Variants in PCDHGA8 observed in about 807,000 individuals in gnomAD.
PCDHGA8 encodes protocadherin gamma-A8.
Under a neutral mutation model 59.2 loss-of-function variants are expected in PCDHGA8, and 45 were observed. The observed-to-expected ratio is 0.76, with a 90% CI of 0.60 to 0.98. The LOEUF (loss-of-function observed/expected upper bound fraction) is 0.98. Ranked by LOEUF, PCDHGA8 falls within the 50% of genes least tolerant of loss-of-function variation. The pLI, the probability that PCDHGA8 is intolerant of heterozygous loss-of-function variation, is 0.00. For synonymous variants in PCDHGA8, 531 were observed against 519.0 expected, an observed-to-expected ratio of 1.02 and a Z score of -0.32; for missense variants, 1,257 against 1,196.2, an observed-to-expected ratio of 1.05 and a Z score of -0.75.
In PCDHGA8 at chr5:141,493,307, AAG is replaced by A. The variant is rs2099747490; in HGVS notation, c.2425-1494_2425-1493del. Among the ~76,000 whole-genome samples, 1 of 152,234 alleles carries A rather than the reference AAG, an allele frequency of 6.6e-6. No homozygotes were observed. Among genetic ancestry groups the A allele is most frequent in the South Asian group, 2.1e-4 (1 of 4,832 alleles). ...ACTTGCTCAAGTTCACAGAGCAAGT[AAG>A]AGAGATTCTAACCCCTGTCTAACTC... On this transcript the variant is annotated intron_variant, in intron 1 of 3. Transcript: ENST00000398604. This position sits in a 1 kb window ranked among gnomAD's most constrained non-coding sequence, Gnocchi z 4.3.
At chr5:141,404,169 C>G in intron 1 of PCDHGA8, 4 of 1,612,736 alleles carry the variant, frequency 2.5e-6, no homozygotes, top group Non-Finnish European at 3.4e-6. Flanking sequence ...AGATTGTTGA[C>G]GGCCCAAATT....
chr5:141,484,866 C>A (rs1474623432), intron 1 of PCDHGA8: 9 of 275,500 alleles, frequency 3.3e-5, no homozygotes, highest in Non-Finnish European at 5.5e-5. Context: ...GGTGGGGGAG[C>A]GTGGAGGATA....
Position 141,489,857 on chromosome 5 carries a change from C to T in PCDHGA8, c.2425-4950C>T. 2 of 1,614,166 alleles carry T rather than the reference C, an allele frequency of 1.2e-6. No individual in the cohort carries two copies. On this transcript the variant is annotated intron_variant, in intron 1 of 3. Coordinates refer to ENST00000398604, the MANE Select transcript of PCDHGA8 (RefSeq NM_032088.2). This position sits in a 1 kb window ranked among gnomAD's most constrained non-coding sequence, Gnocchi z 4.5. ...CAGCAGCTGGATCGTGAAGCCCAGGCAAGACATCAGCTGGTGCTTACTGCT... is the reference window on the plus strand; with the variant it reads ...CAGCAGCTGGATCGTGAAGCCCAGGTAAGACATCAGCTGGTGCTTACTGCT...
intron 1 of PCDHGA8, chr5:141,478,053 T>A (rs1461280529): frequency 1.2e-6 from 2 of 1,614,010 alleles, no homozygotes; most frequent in Non-Finnish European, 1.7e-6. Context: ...ACTCTCACGG[T>A]CTTGATCAAA....
chr5:141,394,373 C>T lies in PCDHGA8; in HGVS notation c.1560C>T (p.Phe520=). The T allele has an allele frequency of 7.4e-6, 12 of 1,614,206 alleles. No homozygotes were observed. The highest frequency in any genetic ancestry group is 1.0e-5 in the Non-Finnish European group (12 of 1,180,030). ...GTGTCCTGTATGCGCTGCAATCTTT[C>T]GACTATGAGCAGATCCGAGACCTGC... ...DTGVLYALQS[F]DYEQIRDLQL... The change falls in exon 1 of 4, where the codon TTC becomes TTT. Residue 520 remains phenylalanine, a synonymous_variant. Transcript: ENST00000398604.
intron 2 of PCDHGA8, among the ~76,000 whole-genome samples, chr5:141,496,582 G>C (rs991035985): frequency 6.6e-6 from 1 of 152,100 alleles, no homozygotes; most frequent in Non-Finnish European, 1.5e-5. Flanking sequence ...TTTTAGGAAC[G>C]CAAAGCGCTT....
intron 1 of PCDHGA8, chr5:141,403,959 C>T (rs1415465011): frequency 2.5e-6 from 4 of 1,613,568 alleles, no homozygotes; most frequent in Non-Finnish European, 3.4e-6. Context: ...GTGCTCATTT[C>T]GGTGGAAGAT....
chr5:141,468,599 G>C (rs1055715232), intron 1 of PCDHGA8: 7 of 152,236 alleles, frequency 4.6e-5, no homozygotes, highest in African/African-American at 1.4e-4. Flanking sequence ...GGGCGCGGTG[G>C]CTCACGCCTG....
At chr5:141,474,002 G>A (rs1020912365) in intron 1 of PCDHGA8, among the ~76,000 whole-genome samples, 5 of 152,078 alleles carry the variant, frequency 3.3e-5, no homozygotes, top group Non-Finnish European at 5.9e-5. Context: ...CCAAGGAGCT[G>A]GAAGTTACAG....
chr5:141,431,876 GA>G lies in PCDHGA8; in HGVS notation c.2424+36640del. 6.2e-7 allele frequency: 1 copy of G among 1,614,188 alleles called. No individual in the cohort carries two copies. Among genetic ancestry groups the G allele is most frequent in the Non-Finnish European group, 8.5e-7 (1 of 1,180,008 alleles). On this transcript the variant is annotated intron_variant, in intron 1 of 3. Transcript: ENST00000398604. The surrounding 1 kb of genome is among the most constrained non-coding windows in gnomAD (Gnocchi z 4.8). ...ATTAATTGCCCTTTTAAATGTAAATGACCAAGATTCTGAGGAAAACGGACAG... is the reference window on the plus strand; with the variant it reads ...ATTAATTGCCCTTTTAAATGTAAATGCCAAGATTCTGAGGAAAACGGACAG...
chr5:141,499,689 CTTTTTTTT>C (rs545067566), intron 2 of PCDHGA8, among the ~76,000 whole-genome samples: 2 of 119,856 alleles, frequency 1.7e-5, no homozygotes, highest in Non-Finnish European at 3.5e-5. Flanking sequence ...TAACAGATGA[CTTTTTTTT>C]TTTTTTTTTT....
In PCDHGA8 at chr5:141,489,091, T is replaced by TCAG. The variant is rs2099682519; in HGVS notation, c.2425-5716_2425-5715insCAG. On this transcript the variant is annotated intron_variant, in intron 1 of 3. Transcript: ENST00000398604. This position sits in a 1 kb window ranked among gnomAD's most constrained non-coding sequence, Gnocchi z 4.5. ...CTGCCCACCCCCGCCACTCGGTGACTAAGAACTGCTGCAAGCAGGCAAACC... is the reference window on the plus strand; with the variant it reads ...CTGCCCACCCCCGCCACTCGGTGACTCAGAAGAACTGCTGCAAGCAGGCAAACC... The TCAG allele has an allele frequency of 3.0e-6, 1 of 333,056 alleles. No individual in the cohort carries two copies. Among genetic ancestry groups the TCAG allele is most frequent in the Non-Finnish European group, 5.5e-6 (1 of 181,380 alleles). 20.6% of individuals were successfully genotyped at this position (333,056 alleles called of 1,614,324 possible). A position where few individuals can be genotyped will look rare whatever the true frequency, so the allele number is the denominator to read the frequency against.
intron 1 of PCDHGA8, chr5:141,409,830 G>C: frequency 6.2e-7 from 1 of 1,611,250 alleles, no homozygotes; most frequent in Non-Finnish European, 8.5e-7. Context: ...CCCACGCTCA[G>C]CGCCAACGTG....
intron 1 of PCDHGA8, among the ~76,000 whole-genome samples, chr5:141,450,812 T>A (rs2098694727): frequency 7.5e-6 from 1 of 133,924 alleles, no homozygotes; most frequent in Admixed American, 7.4e-5. Context: ...ATTTATTTAT[T>A]TAATATTATT....
At chr5:141,398,534 A>T in intron 1 of PCDHGA8, 1 of 1,613,768 alleles carries the variant, frequency 6.2e-7, no homozygotes, top group South Asian at 1.1e-5. Flanking sequence ...TTCACGCAAA[A>T]TTCCTTTGAG....
intron 1 of PCDHGA8, among the ~76,000 whole-genome samples, chr5:141,405,891 A>G (rs1029768115): frequency 1.3e-5 from 2 of 152,164 alleles, no homozygotes; most frequent in African/African-American, 4.8e-5. Flanking sequence ...TTGCTCCAAC[A>G]CTGAAAGGAG....
In PCDHGA8 at chr5:141,415,645, A is replaced by T. The variant is rs200555070; in HGVS notation, c.2424+20408A>T. On this transcript the variant is annotated intron_variant, in intron 1 of 3. Transcript: ENST00000398604. The stretch of plus-strand genomic sequence containing the variant: ...TATTTTCATTTTTACTTTTGTTAAA[A>T]AAAAAAAGATTGGTTTTTACTTTGA... The T allele has an allele frequency of 3.5e-3, 5,682 of 1,600,720 alleles. 22 individuals carry two copies. The highest frequency in any genetic ancestry group is 5.0e-3 in the Middle Eastern group (30 of 6,044).
chr5:141,430,826 CTG>C (rs2097313923), intron 1 of PCDHGA8: 1 of 1,550,416 alleles, frequency 6.4e-7, no homozygotes, highest in Non-Finnish European at 8.7e-7. Context: ...CCTGGGGACT[CTG>C]TGGGAGACCG....
intron 1 of PCDHGA8, chr5:141,416,753 G>A (rs1168212796): frequency 1.3e-5 from 2 of 152,154 alleles, no homozygotes; most frequent in Non-Finnish European, 2.9e-5. Context: ...GACGTATTAG[G>A]TAGATCTCTT....
Sources: gnomAD v4.1 joint callset for allele counts (sites outside exome capture counted in the v4.1 genomes callset) on GRCh38, gnomAD v4.1.1 for gene constraint, Gnocchi (gnomAD v3.1) non-coding constraint, MANE v1.5 for transcripts, NCBI Gene and HGNC (gene_info 2026-07-23, HGNC 2026-07-21) for gene names.